Variants in ZNF407 observed in about 807,000 individuals in gnomAD.
The protein encoded by ZNF407 is zinc finger protein 407.
A neutral mutation model predicts 131.2 loss-of-function variants in ZNF407; 17 were observed. The observed-to-expected ratio is 0.13, with a 90% CI of 0.09 to 0.19. ZNF407 has a LOEUF of 0.19. Among genes scored for constraint, ZNF407 ranks in the 10% least tolerant of loss-of-function variants. ZNF407 has a pLI of 1.00. For missense variants in ZNF407, 2,681 were observed against 2,830.6 expected, an observed-to-expected ratio of 0.95 and a Z score of 1.20; for synonymous variants, 1,156 against 1,062.0, an observed-to-expected ratio of 1.09 and a Z score of -1.72.
At chr18:74,695,029 G>T (rs567217256) in intron 3 of ZNF407, among the ~76,000 whole-genome samples, 1 of 152,186 alleles carries the variant, frequency 6.6e-6, no homozygotes, top group Admixed American at 6.5e-5. Flanking sequence ...TTTGGTTTCT[G>T]GTCTGCAGTA....
chr18:74,632,913 G>A lies in ZNF407; in HGVS notation c.1894G>A (p.Glu632Lys), dbSNP rs749705312. ...LFFLSEKDVE[E>K]HKATEKHINS... ...CTTTTTGTCTGAAAAAGATGTGGAA[G>A]AACACAAAGCCACCGAGAAGCATAT... Residue 632 changes from glutamate to lysine, a missense_variant, in exon 2 of 9, where the codon GAA becomes AAA. Glu to Lys is a moderately conservative substitution (Grantham distance 56, BLOSUM62 1). This residue lies in a region of ZNF407 where 1,789 missense variants were observed against 1,748.7 expected (regional missense o/e 1.02). Coordinates refer to ENST00000299687, the MANE Select transcript of ZNF407 (RefSeq NM_017757.3). 2.2e-5 allele frequency: 35 copies of A among 1,613,330 alleles called. No individual in the cohort carries two copies. Among genetic ancestry groups the A allele is most frequent in the Admixed American group, 3.3e-5 (2 of 59,968 alleles).
rs1218212832 is a variant in ZNF407, at chr18:74,715,457, G to C, written c.4803-65971G>C. Among the ~76,000 whole-genome samples, 2 of 152,328 alleles carry C rather than the reference G, an allele frequency of 1.3e-5. 1 individual carries two copies. The highest frequency in any genetic ancestry group is 1.3e-4 in the Admixed American group (2 of 15,298). On this transcript the variant is annotated intron_variant, in intron 3 of 8. Transcript: ENST00000299687. ...GTGGAAATGTGATGCAGTGCGAGCG[G>C]TGGTGGAGGCGCTGGTGACTGGAGA...
chr18:74,864,704 A>C (rs2145164156), intron 4 of ZNF407, among the ~76,000 whole-genome samples: 1 of 152,330 alleles, frequency 6.6e-6, no homozygotes, highest in Non-Finnish European at 1.5e-5. Context: ...GAGTGTGTGA[A>C]TATGAAAGTA....
rs149127662 is a variant in ZNF407, at chr18:74,627,738, C to T, written c.-53-3229C>T. Among the ~76,000 whole-genome samples, 428 of 152,232 alleles carry T rather than the reference C, an allele frequency of 2.8e-3. 4 individuals are homozygous for T. The highest frequency in any genetic ancestry group is 0.014 in the Middle Eastern group (4 of 294). On this transcript the variant is annotated intron_variant, in intron 1 of 8. Transcript: ENST00000299687. ...GGAAAGAGCTTGTGTACCGAGAAATCCTGTGGTAAAGAAATGTTTGTTTGT... is the reference window on the plus strand; with the variant it reads ...GGAAAGAGCTTGTGTACCGAGAAATTCTGTGGTAAAGAAATGTTTGTTTGT...
rs1331588263 is a variant in ZNF407 at position 74,781,497 on chromosome 18, A to G, written c.4872A>G (p.Lys1624=). 2.6e-6 allele frequency: 4 copies of G among 1,517,332 alleles called. No individual in the cohort carries two copies. Among genetic ancestry groups the G allele is most frequent in the Non-Finnish European group, 3.5e-6 (4 of 1,135,378 alleles). 94.0% of individuals were successfully genotyped at this position (1,517,332 alleles called of 1,614,324 possible). The stretch of plus-strand genomic sequence containing the variant: ...GCAAGCATGGAGTTGGCACCCCAAA[A>G]GAAAGGTAATTTTCATTCTTTTTTT... ...LLGKHGVGTP[K]ERKFTCHLCD... Residue 1624 remains lysine, a synonymous_variant, in exon 4 of 9, where the codon AAA becomes AAG. Coordinates refer to ENST00000299687, the MANE Select transcript of ZNF407 (RefSeq NM_017757.3).
intron 1 of ZNF407, chr18:74,598,579 C>G (rs994952584): frequency 4.6e-5 from 7 of 152,520 alleles, no homozygotes; most frequent in East Asian, 3.9e-4. Context: ...GCGCCTTCTT[C>G]CGTTAAGCGA....
chr18:74,961,268 T>C (rs1972340931), intron 8 of ZNF407, among the ~76,000 whole-genome samples: 1 of 152,232 alleles, frequency 6.6e-6, no homozygotes, highest in Admixed American at 6.5e-5. Context: ...TGCCTCTATC[T>C]CCATATCACA....
intron 4 of ZNF407, among the ~76,000 whole-genome samples, chr18:74,861,610 A>G (rs762312342): frequency 3.3e-5 from 5 of 152,228 alleles, no homozygotes; most frequent in Non-Finnish European, 7.3e-5. Flanking sequence ...GATAGAATAC[A>G]TTGTATCTAA....
chr18:74,858,680 T>A (rs536544334), intron 4 of ZNF407, among the ~76,000 whole-genome samples: 1 of 152,200 alleles, frequency 6.6e-6, no homozygotes, highest in Non-Finnish European at 1.5e-5. Flanking sequence ...TTTTCCTTAT[T>A]GATCTCAATG....
At position 75,048,923 on chromosome 18, in the gene ZNF407, G is replaced by A. The variant is rs959151707; in HGVS notation, c.5429-14227G>A. Among the ~76,000 whole-genome samples, 5 of 152,138 alleles carry A rather than the reference G, an allele frequency of 3.3e-5. No homozygotes were observed. Among genetic ancestry groups the A allele is most frequent in the African/African-American group, 7.2e-5 (3 of 41,444 alleles). ...AGAGTCAGCCAGCGAGAGGCTCCCT[G>A]GCTGGCAGGAATGGGCCTGGAGGGG... is the stretch of plus-strand genomic sequence containing the variant. On this transcript the variant is annotated intron_variant, in intron 8 of 8. Transcript: ENST00000299687. The surrounding 1 kb of genome is among the most constrained non-coding windows in gnomAD (Gnocchi z 4.1).
chr18:74,917,219 A>G (rs569772212), intron 7 of ZNF407, among the ~76,000 whole-genome samples: 1 of 152,284 alleles, frequency 6.6e-6, no homozygotes, highest in African/African-American at 2.4e-5. Context: ...CTCCATACAC[A>G]TTAACACTCA....
At chr18:75,058,117 G>T (rs1973582193) in intron 8 of ZNF407, among the ~76,000 whole-genome samples, 1 of 152,144 alleles carries the variant, frequency 6.6e-6, no homozygotes, top group South Asian at 2.1e-4. Context: ...ACAGTTTTGG[G>T]GAGCAAAGTC....
intron 3 of ZNF407, among the ~76,000 whole-genome samples, chr18:74,659,395 A>G (rs1250162684): frequency 6.6e-6 from 1 of 152,184 alleles, no homozygotes; most frequent in Non-Finnish European, 1.5e-5. Flanking sequence ...AAAAAGATAC[A>G]TTTATGTTTA....
rs573913832 is a variant in ZNF407, at chr18:74,667,905, AT to A, written c.4802+26793del. Among the ~76,000 whole-genome samples the A allele has an allele frequency of 6.0e-5, 9 of 150,348 alleles. No individual in the cohort carries two copies. The East Asian group carries it at 1.4e-3, about 23-fold the overall frequency. ...TGGTTTAAGTGCTCTAAACTGAAAG[AT>A]TTTTTTTTTACCTTGAATGTGTTAT... On this transcript the variant is annotated intron_variant, in intron 3 of 8. Coordinates refer to ENST00000299687, the MANE Select transcript of ZNF407 (RefSeq NM_017757.3).
intron 4 of ZNF407, among the ~76,000 whole-genome samples, chr18:74,826,843 G>T (rs1194648592): frequency 6.6e-6 from 1 of 152,192 alleles, no homozygotes; most frequent in Non-Finnish European, 1.5e-5. Flanking sequence ...TCTGTGCTGT[G>T]GAACAGGGCA....
intron 3 of ZNF407, among the ~76,000 whole-genome samples, chr18:74,652,266 C>T (rs1241924756): frequency 2.0e-5 from 3 of 152,006 alleles, no homozygotes; most frequent in African/African-American, 7.2e-5. Context: ...ATTTCTGTTT[C>T]CTATCATTAT....
At chr18:74,973,043 C>T (rs1207220992) in intron 8 of ZNF407, among the ~76,000 whole-genome samples, 3 of 151,986 alleles carry the variant, frequency 2.0e-5, no homozygotes, top group East Asian at 1.9e-4. Context: ...TGCCTGCTTG[C>T]GGTTTACTTG....
At chr18:74,909,576 G>A (rs1971641447) in intron 7 of ZNF407, among the ~76,000 whole-genome samples, 1 of 151,952 alleles carries the variant, frequency 6.6e-6, no homozygotes, top group Non-Finnish European at 1.5e-5. Flanking sequence ...TTCATTTTCT[G>A]CTTAAGTACA....
At chr18:74,847,592 C>T (rs1308553327) in intron 4 of ZNF407, among the ~76,000 whole-genome samples, 1 of 152,156 alleles carries the variant, frequency 6.6e-6, no homozygotes, top group Middle Eastern at 3.4e-3. Context: ...AAACTGCCAG[C>T]AGAAATACAG....
Sources: allele counts gnomAD v4.1 joint callset (sites outside exome capture counted in the v4.1 genomes callset), GRCh38; gene constraint gnomAD v4.1.1; regional missense constraint gnomAD v4.1.1; non-coding constraint Gnocchi (gnomAD v3.1); transcripts MANE v1.5; gene names NCBI Gene and HGNC (gene_info 2026-07-23, HGNC 2026-07-21).